Variants in PPP1R12B observed in about 807,000 individuals in gnomAD.
The protein encoded by PPP1R12B is myosin phosphatase target subunit 2.
PPP1R12B carries 76 observed loss-of-function variants against 126.1 expected under a neutral mutation model. The ratio of observed to expected loss-of-function variants is 0.60; its 90% CI spans 0.50 to 0.73. The LOEUF is 0.73. PPP1R12B is among the 30% of genes least tolerant of loss of function. PPP1R12B has a pLI of 0.00. For missense variants in PPP1R12B, 1,052 were observed against 1,205.1 expected, an observed-to-expected ratio of 0.87 and a Z score of 1.88; for synonymous variants, 356 against 434.7, an observed-to-expected ratio of 0.82 and a Z score of 2.25.
intron 23 of PPP1R12B, among the ~76,000 whole-genome samples, chr1:202,571,279 G>A (rs1410944362): frequency 6.6e-6 from 1 of 152,124 alleles, no homozygotes; most frequent in Non-Finnish European, 1.5e-5. Flanking sequence ...TAGATCATGA[G>A]TTCTTTCCTT....
intron 18 of PPP1R12B, among the ~76,000 whole-genome samples, chr1:202,545,460 G>A (rs937945920): frequency 7.2e-5 from 11 of 152,272 alleles, no homozygotes; most frequent in South Asian, 2.1e-4. Context: ...TCCTGCAAGC[G>A]GTGTCCTGCC....
intron 1 of PPP1R12B, among the ~76,000 whole-genome samples, chr1:202,395,936 T>G (rs1664919107): frequency 6.6e-6 from 1 of 152,242 alleles, no homozygotes; most frequent in African/African-American, 2.4e-5. Context: ...CAAATTCAAA[T>G]AGATCCTTTC....
Position 202,541,612 on chromosome 1 carries a change from A to G in PPP1R12B, c.2491-17265A>G, listed in dbSNP as rs1685136479. The stretch of plus-strand genomic sequence containing the variant: ...TTATCTTTGCTCCCTTCCCTCTTAT[A>G]CTGAGTAGTACCTTTAGTTGTAAAG... On this transcript the variant is annotated intron_variant, in intron 18 of 23. Coordinates refer to ENST00000608999, the MANE Select transcript of PPP1R12B (RefSeq NM_002481.4). Among the ~76,000 whole-genome samples the G allele has an allele frequency of 2.0e-5, 3 of 152,124 alleles. No homozygotes were observed. In the East Asian group the frequency reaches 5.8e-4, roughly 29 times the overall value.
chr1:202,516,186 G>A (rs1313019760), intron 18 of PPP1R12B, among the ~76,000 whole-genome samples: 1 of 152,160 alleles, frequency 6.6e-6, no homozygotes, highest in Non-Finnish European at 1.5e-5. Context: ...CCGCCATGAT[G>A]ATCATAATGA....
chr1:202,542,692 G>T (rs1317377342), intron 18 of PPP1R12B, among the ~76,000 whole-genome samples: 2 of 152,180 alleles, frequency 1.3e-5, no homozygotes, highest in Non-Finnish European at 2.9e-5. Context: ...TCAAATCCCA[G>T]TCATACTCTC....
intron 18 of PPP1R12B, among the ~76,000 whole-genome samples, chr1:202,525,631 G>T (rs10800838): frequency 0.44 from 64,116 of 146,706 alleles, 15,240 homozygotes; most frequent in East Asian, 0.71. Context: ...TTTTTAGAGA[G>T]AAGTTTTTCA....
intron 6 of PPP1R12B, 73 bp from the exon 7 acceptor site, chr1:202,430,658 T>C: frequency 1.3e-6 from 2 of 1,526,884 alleles, no homozygotes; most frequent in South Asian, 2.4e-5. Context: ...AGTACCATTT[T>C]GGTTCTCAAT....
intron 1 of PPP1R12B, among the ~76,000 whole-genome samples, chr1:202,372,134 G>A (rs1486735471): frequency 6.6e-6 from 1 of 152,052 alleles, no homozygotes; most frequent in Non-Finnish European, 1.5e-5. Context: ...GCCTCCCAAA[G>A]TGTTGGGATT....
At chr1:202,377,879 G>A (rs1661502539) in intron 1 of PPP1R12B, among the ~76,000 whole-genome samples, 2 of 119,312 alleles carry the variant, frequency 1.7e-5, no homozygotes, top group African/African-American at 7.0e-5. Context: ...TCTCGCTGTT[G>A]CCCAGGCTGG....
At chr1:202,414,404 A>G (rs1429624001) in intron 1 of PPP1R12B, among the ~76,000 whole-genome samples, 1 of 152,236 alleles carries the variant, frequency 6.6e-6, no homozygotes, top group African/African-American at 2.4e-5. Context: ...TTCTAACACT[A>G]TGCATTTGTT....
At chr1:202,465,073 A>G (rs1674803124) in intron 13 of PPP1R12B, among the ~76,000 whole-genome samples, 1 of 152,218 alleles carries the variant, frequency 6.6e-6, no homozygotes, top group Non-Finnish European at 1.5e-5. Context: ...CTATAAGCCA[A>G]GTACCCTGCT....
At chr1:202,402,644 T>A (rs1218044929) in intron 1 of PPP1R12B, among the ~76,000 whole-genome samples, 2 of 152,236 alleles carry the variant, frequency 1.3e-5, no homozygotes, top group Non-Finnish European at 2.9e-5. Flanking sequence ...AGAGGTCAAC[T>A]ATGTTTCTGC....
At position 202,584,724 on chromosome 1, in the gene PPP1R12B, T is replaced by C. The variant is rs1161546531; in HGVS notation, c.*4164T>C. The C allele has an allele frequency of 1.3e-5, 2 of 152,128 alleles. No individual in the cohort carries two copies. Among genetic ancestry groups the C allele is most frequent in the Non-Finnish European group, 2.9e-5 (2 of 68,044 alleles). The allele number at this position is 152,128 out of a possible 1,614,324, so 9.4% of individuals were successfully genotyped here. ...TAAAAGTGTTGCCAGTTATTCAGCT[T>C]CCAGGCGGCTTTGCACCTCCAAAGG... On this transcript the variant is annotated 3_prime_UTR_variant, in exon 24 of 24. Coordinates refer to ENST00000608999, the MANE Select transcript of PPP1R12B (RefSeq NM_002481.4).
chr1:202,406,842 T>A (rs1666675081), intron 1 of PPP1R12B, among the ~76,000 whole-genome samples: 1 of 152,248 alleles, frequency 6.6e-6, no homozygotes, highest in Non-Finnish European at 1.5e-5. Context: ...AATAGGACTT[T>A]CTTATATTCA....
chr1:202,375,606 C>T (rs1661048960), intron 1 of PPP1R12B, among the ~76,000 whole-genome samples: 1 of 152,208 alleles, frequency 6.6e-6, no homozygotes, highest in Admixed American at 6.5e-5. Context: ...ATAGGGTTCT[C>T]ACTATGTTGT....
intron 18 of PPP1R12B, among the ~76,000 whole-genome samples, chr1:202,550,815 T>A (rs1312675257): frequency 1.3e-5 from 2 of 152,230 alleles, no homozygotes. Flanking sequence ...CATTTATGAA[T>A]CACAAGAGTT....
chr1:202,493,148 G>A lies in PPP1R12B; in HGVS notation c.1976G>A (p.Arg659Lys), dbSNP rs375373708. 9.9e-6 allele frequency: 16 copies of A among 1,611,958 alleles called. No individual in the cohort carries two copies. Among genetic ancestry groups the A allele is most frequent in the Non-Finnish European group, 1.2e-5 (14 of 1,179,840 alleles). ...CTAACAGACCTTCAAGAAGCAGAAA[G>A]GACATTCAGCCGGTCGAGGGCAGAG... ...VTLTDLQEAE[R>K]TFSRSRAERQ... Residue 659 changes from arginine to lysine, a missense_variant, in exon 15 of 24, where the codon AGG becomes AAG. Arg to Lys is a conservative substitution (Grantham distance 26). Coordinates refer to ENST00000608999, the MANE Select transcript of PPP1R12B (RefSeq NM_002481.4).
chr1:202,425,545 T>C (rs1253422173), intron 3 of PPP1R12B, 21 bp from the exon 4 acceptor site: 1 of 1,611,072 alleles, frequency 6.2e-7, no homozygotes, highest in Non-Finnish European at 8.5e-7. Context: ...ATCCTGGCTG[T>C]CTGGTATCTG....
chr1:202,544,402 G>A (rs1386560724), intron 18 of PPP1R12B, among the ~76,000 whole-genome samples: 2 of 152,146 alleles, frequency 1.3e-5, no homozygotes, highest in South Asian at 2.1e-4. Context: ...TAAGAGCCAG[G>A]TAATCTTTGG....
Sources: gnomAD v4.1 joint callset for allele counts (sites outside exome capture counted in the v4.1 genomes callset) on GRCh38, gnomAD v4.1.1 for gene constraint, MANE v1.5 for transcripts, NCBI Gene and HGNC (gene_info 2026-07-23, HGNC 2026-07-21) for gene names.